The following EPHA5 variants were observed in gnomAD, a reference collection of about 807,000 sequenced individuals.
EPHA5 encodes EPH receptor A5.
A neutral mutation model predicts 105.0 loss-of-function variants in EPHA5; 60 were observed. The observed-to-expected ratio is 0.57, with a 90% CI of 0.46 to 0.71. EPHA5 has a LOEUF of 0.71. EPHA5 is among the 30% of genes least tolerant of loss of function. The pLI is 0.00. For synonymous variants in EPHA5, 513 were observed against 449.1 expected (o/e 1.14, Z -1.80); for missense variants, 1,218 against 1,274.7 (o/e 0.96, Z 0.68).
intron 3 of EPHA5, among the ~76,000 whole-genome samples, chr4:65,516,771 C>A (rs2149270435): frequency 6.6e-6 from 1 of 152,194 alleles, no homozygotes; most frequent in South Asian, 2.1e-4. Context: ...TGCCTTATTA[C>A]AATGTCTTTT....
rs1717750777 is a variant in EPHA5 at position 65,365,218 on chromosome 4, A to G, written c.1988-16T>C. 1 of 1,602,944 alleles carries G rather than the reference A, an allele frequency of 6.2e-7. No individual in the cohort carries two copies. Among genetic ancestry groups the G allele is most frequent in the East Asian group, 2.2e-5 (1 of 44,568 alleles). On this transcript the variant is annotated splice_polypyrimidine_tract_variant and intron_variant, in intron 10 of 16. Transcript: ENST00000613740. Reference sequence around the variant, plus strand: ...CCAAATTCACCTTGTGATAAAGATGAAAAAAATGCAAAAACTCATTTGAAA... The same window carrying G: ...CCAAATTCACCTTGTGATAAAGATGGAAAAAATGCAAAAACTCATTTGAAA...
At chr4:65,330,478 T>G (rs1720505022) in intron 16 of EPHA5, 3 of 268,638 alleles carry the variant, frequency 1.1e-5, no homozygotes, top group African/African-American at 2.3e-5. Flanking sequence ...TTATAACTAT[T>G]TTTTGAAGGA....
chr4:65,490,002 A>T (rs1474172097), intron 5 of EPHA5, among the ~76,000 whole-genome samples: 1 of 152,202 alleles, frequency 6.6e-6, no homozygotes, highest in Non-Finnish European at 1.5e-5. Context: ...GCCTAATCAC[A>T]TGCTAAATTA....
chr4:65,507,543 T>G (rs1733170399), intron 3 of EPHA5, among the ~76,000 whole-genome samples: 1 of 152,182 alleles, frequency 6.6e-6, no homozygotes, highest in Non-Finnish European at 1.5e-5. Flanking sequence ...TTTATTTCAT[T>G]GAGCAGTGGT....
At chr4:65,617,925 A>G (rs1303437972) in intron 2 of EPHA5, among the ~76,000 whole-genome samples, 1 of 152,196 alleles carries the variant, frequency 6.6e-6, no homozygotes, top group Non-Finnish European at 1.5e-5. Context: ...AAATGTTTCA[A>G]TATAACATTT....
intron 5 of EPHA5, among the ~76,000 whole-genome samples, chr4:65,482,417 A>G (rs547169669): frequency 2.0e-5 from 3 of 152,310 alleles, no homozygotes; most frequent in South Asian, 2.1e-4. Context: ...TCTTTAAAAA[A>G]ACTCTATAAT....
At chr4:65,573,721 T>C in intron 3 of EPHA5, 2 of 1,600,426 alleles carry the variant, frequency 1.2e-6, no homozygotes, top group South Asian at 2.2e-5. Flanking sequence ...AAGGAGAAGG[T>C]TCTTGCAACT....
chr4:65,657,208 A>G (rs570193238), intron 1 of EPHA5, among the ~76,000 whole-genome samples: 48 of 152,304 alleles, frequency 3.2e-4, no homozygotes, highest in African/African-American at 1.1e-3. Context: ...GAAATCTATA[A>G]CAAATGAAAG....
At chr4:65,431,771 A>T (rs1222548165) in intron 5 of EPHA5, among the ~76,000 whole-genome samples, 1 of 152,168 alleles carries the variant, frequency 6.6e-6, no homozygotes, top group Non-Finnish European at 1.5e-5. Flanking sequence ...AAGTTAGATC[A>T]TTCCTCTGAA....
rs569523878 is a variant in EPHA5 at position 65,484,004 on chromosome 4, C to T, written c.1402+6373G>A. On this transcript the variant is annotated intron_variant, in intron 5 of 16. Coordinates refer to ENST00000613740, the MANE Select transcript of EPHA5 (RefSeq NM_001281766.3). Reference sequence around the variant, plus strand: ...TTACCTATTCAGTCTACATGGAAGACAAATTAATCTTGTAAAACAAAAATA... The same window carrying T: ...TTACCTATTCAGTCTACATGGAAGATAAATTAATCTTGTAAAACAAAAATA... Among the ~76,000 whole-genome samples the T allele has an allele frequency of 3.0e-4, 45 of 152,264 alleles. 1 individual carries two copies. In the South Asian group the frequency reaches 8.1e-3, roughly 27 times the overall value.
intron 4 of EPHA5, among the ~76,000 whole-genome samples, chr4:65,494,908 G>C (rs546073857): frequency 2.0e-5 from 3 of 152,146 alleles, no homozygotes; most frequent in Admixed American, 6.6e-5. Flanking sequence ...GATGGTGAAG[G>C]CTCCATCAGC....
At chr4:65,658,599 T>G (rs1290749892) in intron 1 of EPHA5, among the ~76,000 whole-genome samples, 2 of 152,116 alleles carry the variant, frequency 1.3e-5, no homozygotes, top group Non-Finnish European at 2.9e-5. Flanking sequence ...GCTAGAACTT[T>G]TATGGAGCAC....
chr4:65,543,445 C>A (rs765212044), intron 3 of EPHA5, among the ~76,000 whole-genome samples: 27 of 151,812 alleles, frequency 1.8e-4, no homozygotes, highest in Non-Finnish European at 3.4e-4. Context: ...AAGTAGAGAG[C>A]CAAATCACAA....
intron 3 of EPHA5, among the ~76,000 whole-genome samples, chr4:65,577,303 C>T (rs1741155605): frequency 6.6e-6 from 1 of 152,084 alleles, no homozygotes; most frequent in Admixed American, 6.5e-5. Flanking sequence ...TATTGAACCT[C>T]AGTATTTGCA....
At chr4:65,630,605 T>A (rs1578632572) in intron 2 of EPHA5, among the ~76,000 whole-genome samples, 2 of 152,192 alleles carry the variant, frequency 1.3e-5, no homozygotes, top group African/African-American at 4.8e-5. Context: ...TTCCTTTCAT[T>A]CCTGCTCTAA....
Position 65,429,678 on chromosome 4 carries a change from G to C in EPHA5, c.1403-9113C>G, listed in dbSNP as rs111999461. 1.3e-3 allele frequency among the ~76,000 whole-genome samples: 199 copies of C among 152,098 alleles called. 1 individual carries two copies. Among genetic ancestry groups the C allele is most frequent in the African/African-American group, 4.5e-3 (188 of 41,520 alleles). ...AGAATAATTTAATTCACTAGGAATT[G>C]TGATATTAAATTATTTATCTATTGA... On this transcript the variant is annotated intron_variant, in intron 5 of 16. Transcript: ENST00000613740.
chr4:65,551,579 T>G (rs1037801732), intron 3 of EPHA5, among the ~76,000 whole-genome samples: 1 of 152,154 alleles, frequency 6.6e-6, no homozygotes, highest in Non-Finnish European at 1.5e-5. Context: ...CCACTGAATG[T>G]GTGCATATCA....
At chr4:65,595,150 G>GAAAAAA in intron 3 of EPHA5, among the ~76,000 whole-genome samples, 1 of 116,722 alleles carries the variant, frequency 8.6e-6, no homozygotes, top group South Asian at 2.8e-4. Flanking sequence ...CACCATTTCA[G>GAAAAAA]AAAAAAAAAA....
chr4:65,447,119 T>G (rs1473467491), intron 5 of EPHA5, among the ~76,000 whole-genome samples: 1 of 151,672 alleles, frequency 6.6e-6, no homozygotes, highest in East Asian at 1.9e-4. Flanking sequence ...CCCAAGTAGC[T>G]AGGATCACAG....
Sources: gnomAD v4.1 joint callset for allele counts (sites outside exome capture counted in the v4.1 genomes callset) on GRCh38, gnomAD v4.1.1 for gene constraint, MANE v1.5 for transcripts, NCBI Gene and HGNC (gene_info 2026-07-23, HGNC 2026-07-21) for gene names.